NEO1: variants seen among roughly 807,000 people sequenced by gnomAD.
NEO1 encodes the protein neogenin.
In NEO1, 63 loss-of-function variants were observed where a neutral mutation model predicts 159.7. That is an observed-to-expected ratio of 0.39 (90% CI 0.32 to 0.49). The LOEUF (loss-of-function observed/expected upper bound fraction) is 0.49, where lower values mean the gene tolerates loss of function less well. Among genes scored for constraint, NEO1 ranks in the 20% least tolerant of loss-of-function variants. The pLI is 0.85. For missense variants in NEO1, 1,615 were observed against 1,831.0 expected, an observed-to-expected ratio of 0.88 and a Z score of 2.15; for synonymous variants, 633 against 662.0, an observed-to-expected ratio of 0.96 and a Z score of 0.67.
intron 16 of NEO1, among the ~76,000 whole-genome samples, chr15:73,267,039 C>T (rs2040936802): frequency 6.6e-6 from 1 of 152,092 alleles, no homozygotes; most frequent in Admixed American, 6.6e-5. Context: ...CAGGCAGACC[C>T]CGAGGTCAGG....
chr15:73,058,870 C>G (rs1006635903), intron 1 of NEO1, among the ~76,000 whole-genome samples: 1 of 152,142 alleles, frequency 6.6e-6, no homozygotes, highest in Non-Finnish European at 1.5e-5. Context: ...AACTTCTATT[C>G]AGTTATTGTG....
chr15:73,135,629 C>A (rs952166349), intron 4 of NEO1, among the ~76,000 whole-genome samples: 25 of 152,022 alleles, frequency 1.6e-4, no homozygotes, highest in African/African-American at 5.6e-4. Flanking sequence ...AGAGTGATAC[C>A]CCTTTGGAAA....
rs553590289 is a variant in NEO1, at chr15:73,175,945, T to G, written c.1016-458T>G. Among the ~76,000 whole-genome samples the G allele has an allele frequency of 1.2e-4, 18 of 152,300 alleles. No homozygotes were observed. The East Asian group carries it at 3.5e-3, about 29-fold the overall frequency. ...GAGTGTGTTGCATGAGTGAGCTGTT[T>G]AAGGACTCTAATGTGACGTTTATTT... On this transcript the variant is annotated intron_variant, in intron 5 of 28. Coordinates refer to ENST00000261908, the MANE Select transcript of NEO1 (RefSeq NM_002499.4).
intron 8 of NEO1, among the ~76,000 whole-genome samples, chr15:73,239,262 A>G (rs1194441897): frequency 1.3e-5 from 2 of 152,242 alleles, no homozygotes; most frequent in East Asian, 3.8e-4. Context: ...AGTATAAATT[A>G]GAATAGTCTA....
chr15:73,088,833 T>C lies in NEO1; in HGVS notation c.131-27707T>C, dbSNP rs184221680. 7.2e-5 allele frequency among the ~76,000 whole-genome samples: 11 copies of C among 151,940 alleles called. No individual in the cohort carries two copies. The East Asian group carries it at 1.5e-3, about 21-fold the overall frequency. The stretch of plus-strand genomic sequence containing the variant: ...TTTGGTAAATTAATTGGGCGTGAAA[T>C]AGAGAAGATGAAGTAAGAGAGAGTA... On this transcript the variant is annotated intron_variant, in intron 1 of 28. Coordinates refer to ENST00000261908, the MANE Select transcript of NEO1 (RefSeq NM_002499.4).
At chr15:73,274,036 T>C in intron 20 of NEO1, 31 bp downstream of exon 20, 1 of 1,599,420 alleles carries the variant, frequency 6.3e-7, no homozygotes, top group South Asian at 1.1e-5. Context: ...GGTTTTGTTG[T>C]GTGTCTCTTT....
Position 73,253,400 on chromosome 15 carries a change from T to A in NEO1, c.1895T>A (p.Val632Asp), listed in dbSNP as rs1448090756. 2 of 1,568,994 alleles carry A rather than the reference T, an allele frequency of 1.3e-6. No homozygotes were observed. The highest frequency in any genetic ancestry group is 4.5e-5 in the East Asian group (2 of 44,470). Residue 632 changes from valine to aspartate, a missense_variant and splice_region_variant, in exon 12 of 29, where the codon GTT becomes GAT. Physicochemically the swap from Val to Asp is radical, Grantham distance 152. Around this residue, in one of 3 missense-constraint regions of NEO1, gnomAD observed 1,018 missense variants for 1,115.4 expected, o/e 0.91. Coordinates refer to ENST00000261908, the MANE Select transcript of NEO1 (RefSeq NM_002499.4). ...PDVAVRTLSDVPSAAPQNLSL... is the reference protein window; with the variant it reads ...PDVAVRTLSDDPSAAPQNLSL... ...TTTTTTTTTTTTTTTGTTTCTCTAG[T>A]TCCCAGTGCTGCTCCTCAGAATCTG...
intron 4 of NEO1, among the ~76,000 whole-genome samples, chr15:73,127,027 C>T (rs908116417): frequency 1.0e-3 from 154 of 152,172 alleles, no homozygotes; most frequent in African/African-American, 3.6e-3. Flanking sequence ...GTCAGGAGAT[C>T]GAGACCATCC....
intron 26 of NEO1, among the ~76,000 whole-genome samples, chr15:73,296,834 C>T (rs1036979107): frequency 4.6e-5 from 7 of 152,044 alleles, no homozygotes; most frequent in Non-Finnish European, 7.4e-5. Flanking sequence ...AGTGGAATGG[C>T]GTAAGATTTC....
chr15:73,208,643 C>T (rs1214794237), intron 7 of NEO1, among the ~76,000 whole-genome samples: 2 of 152,118 alleles, frequency 1.3e-5, no homozygotes, highest in Non-Finnish European at 2.9e-5. Context: ...ACATGGATCA[C>T]TTGAGCCCAG....
intron 1 of NEO1, among the ~76,000 whole-genome samples, chr15:73,057,750 G>A (rs917682929): frequency 2.6e-5 from 4 of 152,036 alleles, no homozygotes; most frequent in South Asian, 2.1e-4. Context: ...TGCCTATATG[G>A]CACATTATCT....
At chr15:73,244,977 A>AAAAAAAAAAAAAAAAAAAAAAAAC (rs1555458859) in intron 9 of NEO1, among the ~76,000 whole-genome samples, 1 of 111,960 alleles carries the variant, frequency 8.9e-6, no homozygotes, top group Non-Finnish European at 2.0e-5. Context: ...AAAAAAAAAA[A>AAAAAAAAAAAAAAAAAAAAAAAAC]AAAAAACAAC....
intron 1 of NEO1, among the ~76,000 whole-genome samples, chr15:73,063,476 A>G (rs2068068282): frequency 6.6e-6 from 1 of 151,810 alleles, no homozygotes; most frequent in South Asian, 2.1e-4. Flanking sequence ...TTTTGTTTTT[A>G]TTTGATGGCT....
intron 8 of NEO1, among the ~76,000 whole-genome samples, chr15:73,237,807 C>G (rs2039264503): frequency 6.6e-6 from 1 of 152,180 alleles, no homozygotes; most frequent in Non-Finnish European, 1.5e-5. Flanking sequence ...ACTTTGAAAT[C>G]TCATTGAAAA....
At chr15:73,101,399 T>C (rs1398341262) in intron 1 of NEO1, among the ~76,000 whole-genome samples, 2 of 152,210 alleles carry the variant, frequency 1.3e-5, no homozygotes, top group South Asian at 2.1e-4. Flanking sequence ...GTATGCACGC[T>C]CTCACGCGCA....
intron 7 of NEO1, among the ~76,000 whole-genome samples, chr15:73,203,133 T>C (rs1355876175): frequency 6.6e-6 from 1 of 152,160 alleles, no homozygotes; most frequent in Non-Finnish European, 1.5e-5. Context: ...CAGAGTGGAA[T>C]TGCTGGATCA....
chr15:73,090,711 A>T (rs954520896), intron 1 of NEO1, among the ~76,000 whole-genome samples: 1 of 152,232 alleles, frequency 6.6e-6, no homozygotes, highest in East Asian at 1.9e-4. Context: ...TTTAAAAATT[A>T]TCACTATCAT....
chr15:73,191,371 T>C (rs894339095), intron 7 of NEO1, among the ~76,000 whole-genome samples: 2 of 151,502 alleles, frequency 1.3e-5, no homozygotes, highest in Non-Finnish European at 3.0e-5. Context: ...AGAGTATCGA[T>C]GAGAATTCAA....
intron 5 of NEO1, among the ~76,000 whole-genome samples, chr15:73,164,189 C>T (rs1192432672): frequency 6.8e-6 from 1 of 146,236 alleles, no homozygotes; most frequent in Admixed American, 6.8e-5. Context: ...CACCACGCCC[C>T]GCTGATTATT....
Sources: gnomAD v4.1 joint callset for allele counts (sites outside exome capture counted in the v4.1 genomes callset) on GRCh38, gnomAD v4.1.1 for gene constraint, gnomAD v4.1.1 regional missense constraint, MANE v1.5 for transcripts, NCBI Gene and HGNC (gene_info 2026-07-23, HGNC 2026-07-21) for gene names.